TEX11: variants seen among roughly 807,000 people sequenced by gnomAD.
TEX11 encodes testis-expressed protein 11.
TEX11 carries 7 observed loss-of-function variants against 84.4 expected under a neutral mutation model. The observed-to-expected ratio is 0.08, with a 90% CI of 0.05 to 0.16. The LOEUF is 0.16. TEX11 is among the 10% of genes least tolerant of loss of function. The pLI is 1.00. For synonymous variants in TEX11, 264 were observed against 222.8 expected (o/e 1.18, Z -1.64); for missense variants, 551 against 660.5 (o/e 0.83, Z 1.82).
intron 13 of TEX11, among the ~76,000 whole-genome samples, chrX:70,695,342 C>T (rs1334840690): frequency 8.9e-6 from 1 of 111,827 alleles, no homozygotes; most frequent in African/African-American, 3.2e-5. Context: ...AGGTGGACCT[C>T]AGGGAATCAT....
intron 13 of TEX11, 26 bp from the exon 14 acceptor site, chrX:70,682,851 C>A: frequency 4.2e-6 from 5 of 1,190,427 alleles, no homozygotes; most frequent in Non-Finnish European, 4.5e-6. Flanking sequence ...CAATTTTAAG[C>A]AATGCGAACA....
At chrX:70,668,388 G>T (rs2089994924) in intron 16 of TEX11, among the ~76,000 whole-genome samples, 1 of 112,050 alleles carries the variant, frequency 8.9e-6, no homozygotes, top group South Asian at 3.7e-4. Flanking sequence ...AAAATATGAT[G>T]GATTGTGTAT....
chrX:70,621,387 G>T (rs1391845704), intron 20 of TEX11, among the ~76,000 whole-genome samples: 2 of 102,414 alleles, frequency 2.0e-5, no homozygotes, highest in Non-Finnish European at 4.0e-5. Context: ...CGGGTGTGGT[G>T]GCGGATGCCT....
chrX:70,591,662 T>C, intron 25 of TEX11, 89 bp downstream of exon 25: 1 of 666,394 alleles, frequency 1.5e-6, no homozygotes. Flanking sequence ...AGTACTGCAG[T>C]GGCACAAATT....
At chrX:70,880,530 A>G (rs1049660128) in intron 2 of TEX11, among the ~76,000 whole-genome samples, 15 of 107,276 alleles carry the variant, frequency 1.4e-4, no homozygotes, top group Admixed American at 3.1e-4. Flanking sequence ...ACTGTACTCC[A>G]TGCAGCATGG....
chrX:70,868,558 C>T (rs1333609704), intron 4 of TEX11, among the ~76,000 whole-genome samples: 1 of 111,642 alleles, frequency 9.0e-6, no homozygotes, highest in East Asian at 2.8e-4. Flanking sequence ...AATCATTCTT[C>T]TATAAAGACA....
At chrX:70,531,225 G>A (rs1022423463) in intron 28 of TEX11, among the ~76,000 whole-genome samples, 22 of 111,459 alleles carry the variant, frequency 2.0e-4, no homozygotes, top group African/African-American at 6.5e-4. Context: ...TGGCACATAA[G>A]AGGCACAACA....
At chrX:70,544,912 A>T (rs1030528094) in intron 28 of TEX11, among the ~76,000 whole-genome samples, 12 of 106,174 alleles carry the variant, frequency 1.1e-4, no homozygotes, top group Admixed American at 3.1e-4. Context: ...TAAAAAAAAA[A>T]TTTTTTTTTT....
Position 70,583,691 on chromosome X carries a change from C to T in TEX11, c.2140+8060G>A, listed in dbSNP as rs766061595. Among the ~76,000 whole-genome samples, 65 of 111,842 alleles carry T rather than the reference C, an allele frequency of 5.8e-4. 1 individual carries two copies. Among genetic ancestry groups the T allele is most frequent in the Middle Eastern group, 4.6e-3 (1 of 216 alleles). On this transcript the variant is annotated intron_variant, in intron 25 of 29. Transcript: ENST00000374333. ...GCAAATTAAAACCACAATGACATAT[C>T]ATCTTACACCAGTCAGGATGTCCAT...
the TEX11 span, among the ~76,000 whole-genome samples, chrX:70,517,985 T>C: frequency 9.0e-6 from 1 of 111,096 alleles, no homozygotes; most frequent in African/African-American, 3.3e-5. Flanking sequence ...TATCATTTTT[T>C]ATTGCATCTA....
the TEX11 span, among the ~76,000 whole-genome samples, chrX:70,516,941 G>A: frequency 2.8e-4 from 31 of 111,371 alleles, no homozygotes; most frequent in Non-Finnish European, 3.6e-4. Flanking sequence ...TTGGTGTATA[G>A]GAATGCTTGT....
chrX:70,685,421 A>T (rs1193693204), intron 13 of TEX11, among the ~76,000 whole-genome samples: 1 of 111,929 alleles, frequency 8.9e-6, no homozygotes, highest in Non-Finnish European at 1.9e-5. Context: ...TAAATTGAAC[A>T]CATCCTACAG....
rs182530447 is a variant in TEX11, at chrX:70,809,855, C to T, written c.607-3065G>A. Among the ~76,000 whole-genome samples the T allele has an allele frequency of 5.4e-5, 6 of 111,310 alleles. No individual in the cohort carries two copies. In the East Asian group the frequency reaches 1.1e-3, roughly 21 times the overall value. ...AAAATTACAGGCACCCGCCACCAAGCCTGGCTAATTTTTCATAGGTACTGG... is the reference window on the plus strand; with the variant it reads ...AAAATTACAGGCACCCGCCACCAAGTCTGGCTAATTTTTCATAGGTACTGG... On this transcript the variant is annotated intron_variant, in intron 8 of 29. Coordinates refer to ENST00000374333, the MANE Select transcript of TEX11 (RefSeq NM_031276.3).
intron 25 of TEX11, among the ~76,000 whole-genome samples, chrX:70,565,762 T>C (rs1421406380): frequency 1.8e-5 from 2 of 111,259 alleles, no homozygotes; most frequent in African/African-American, 6.5e-5. Context: ...CATTGATCTA[T>C]ATCTCTGTTT....
chrX:70,673,926 G>T (rs1042906482), intron 15 of TEX11, among the ~76,000 whole-genome samples: 8 of 111,506 alleles, frequency 7.2e-5, no homozygotes, highest in Non-Finnish European at 1.1e-4. Context: ...AGGTTTAGGG[G>T]TACAGGTGAA....
chrX:70,669,692 G>C (rs1385838561), intron 16 of TEX11, among the ~76,000 whole-genome samples: 2 of 112,779 alleles, frequency 1.8e-5, no homozygotes, highest in Admixed American at 1.9e-4. Flanking sequence ...ACAAAGGTTA[G>C]ACCTGTCATT....
At chrX:70,686,893 T>C (rs1326581951) in intron 13 of TEX11, among the ~76,000 whole-genome samples, 2 of 111,253 alleles carry the variant, frequency 1.8e-5, no homozygotes, top group African/African-American at 6.5e-5. Flanking sequence ...AAACACCAGT[T>C]GCAAGAGATC....
At chrX:70,847,089 G>A (rs1033784114) in intron 7 of TEX11, among the ~76,000 whole-genome samples, 13 of 110,812 alleles carry the variant, frequency 1.2e-4, no homozygotes, top group Non-Finnish European at 1.9e-5. Context: ...GGCATTGTTC[G>A]AAAGAGTCTG....
At chrX:70,679,133 G>A (rs1205786217) in intron 14 of TEX11, among the ~76,000 whole-genome samples, 2 of 112,813 alleles carry the variant, frequency 1.8e-5, no homozygotes, top group African/African-American at 6.4e-5. Context: ...TGGAGACGAG[G>A]TTTCGCTGTG....
Sources: gnomAD v4.1 joint callset for allele counts (sites outside exome capture counted in the v4.1 genomes callset) on GRCh38, gnomAD v4.1.1 for gene constraint, MANE v1.5 for transcripts, NCBI Gene and HGNC (gene_info 2026-07-23, HGNC 2026-07-21) for gene names.